The following EMC8 variants were observed in gnomAD, a reference collection of about 807,000 sequenced individuals.
EMC8 encodes the protein COX4 neighbor.
Under a neutral mutation model 24.3 loss-of-function variants are expected in EMC8, and 11 were observed. The observed-to-expected ratio is 0.45, with a 90% CI of 0.28 to 0.75. The LOEUF is 0.75. Ranked by LOEUF, EMC8 falls within the 30% of genes least tolerant of loss-of-function variation. EMC8 has a pLI of 0.12. For missense variants in EMC8, 277 were observed against 282.7 expected (o/e 0.98, Z 0.14); for synonymous variants, 145 against 117.7 (o/e 1.23, Z -1.50).
At chr16:85,794,510 G>T (rs565667153) in intron 1 of EMC8, among the ~76,000 whole-genome samples, 117 of 152,248 alleles carry the variant, frequency 7.7e-4, no homozygotes, top group African/African-American at 2.7e-3. Flanking sequence ...GTGACACGGT[G>T]AAACCTTGTC....
intron 1 of EMC8, among the ~76,000 whole-genome samples, chr16:85,794,782 T>C (rs556772037): frequency 2.6e-4 from 39 of 150,608 alleles, no homozygotes; most frequent in African/African-American, 9.1e-4. Flanking sequence ...AGTGTGGACC[T>C]TACTTGCTGG....
rs201116984 is a variant in EMC8, at chr16:85,780,419, C to T, written c.433G>A (p.Glu145Lys). The change falls in exon 4 of 5, where the codon GAG (glutamate) becomes AAG (lysine). Residue 145 changes from glutamate to lysine, a missense_variant. Coordinates refer to ENST00000253457, the MANE Select transcript of EMC8 (RefSeq NM_006067.5). ...DCVAPTIHVYEHHENRWRCRD... is the reference protein window; with the variant it reads ...DCVAPTIHVYKHHENRWRCRD... ...CACCGCCATCTGTTCTCATGGTGCT[C>T]GTACACGTGGATCGTAGGCGCTACG... is the stretch of plus-strand genomic sequence containing the variant. The T allele has an allele frequency of 1.3e-5, 21 of 1,614,214 alleles. No individual in the cohort carries two copies. In the East Asian group the frequency reaches 1.3e-4, roughly 10 times the overall value.
chr16:85,780,071 T>G, intron 4 of EMC8: 1 of 604,466 alleles, frequency 1.7e-6, no homozygotes, highest in Non-Finnish European at 2.9e-6. Flanking sequence ...GCCTTTCACG[T>G]GGAATTCTGA....
intron 1 of EMC8, among the ~76,000 whole-genome samples, chr16:85,793,474 T>C (rs11644720): frequency 0.056 from 8,517 of 151,548 alleles, 406 homozygotes; most frequent in East Asian, 0.27. Context: ...GGGACCGAGA[T>C]AGAGGGTGAA....
At chr16:85,781,603 GT>G (rs1164194909) in intron 2 of EMC8, 9 of 111,088 alleles carry the variant, frequency 8.1e-5, no homozygotes, top group South Asian at 6.1e-4. Context: ...ACTTTTTAGT[GT>G]TTTTTTTTGC....
chr16:85,790,919 T>C (rs905019480), intron 1 of EMC8, among the ~76,000 whole-genome samples: 2 of 152,146 alleles, frequency 1.3e-5, no homozygotes, highest in African/African-American at 4.8e-5. Context: ...CTTGAACTCC[T>C]GGGCTCAAGT....
chr16:85,790,584 G>C (rs9923691), intron 1 of EMC8, among the ~76,000 whole-genome samples: 126,404 of 152,166 alleles, frequency 0.83, 53,326 homozygotes, highest in African/African-American at 0.96. Flanking sequence ...TATCAAAGGG[G>C]CTTGCTCTAA....
intron 2 of EMC8, 23 bp downstream of exon 2, chr16:85,788,951 C>G: frequency 6.3e-7 from 1 of 1,581,684 alleles, no homozygotes; most frequent in Non-Finnish European, 8.7e-7. Flanking sequence ...TCCTCGCCCA[C>G]AGAGGGTTCT....
intron 2 of EMC8, chr16:85,787,724 C>T (rs370652486): frequency 6.6e-6 from 1 of 152,244 alleles, no homozygotes; most frequent in African/African-American, 2.4e-5. Flanking sequence ...CCACGCACTC[C>T]CAACCGCCTT....
At chr16:85,785,160 C>G (rs1040969290) in intron 2 of EMC8, 7 of 152,402 alleles carry the variant, frequency 4.6e-5, no homozygotes, top group African/African-American at 1.7e-4. Context: ...GTTGCCCAGA[C>G]TGGTCTTGAA....
At chr16:85,793,472 G>C (rs749811365) in intron 1 of EMC8, among the ~76,000 whole-genome samples, 2 of 152,204 alleles carry the variant, frequency 1.3e-5, no homozygotes, top group African/African-American at 2.4e-5. Flanking sequence ...ATGGGACCGA[G>C]ATAGAGGGTG....
chr16:85,795,835 C>T (rs779859022), intron 1 of EMC8, among the ~76,000 whole-genome samples: 26 of 152,310 alleles, frequency 1.7e-4, no homozygotes, highest in Admixed American at 5.2e-4. Context: ...CCTGGACTTG[C>T]TGCTGAGCCC....
intron 3 of EMC8, 142 bp from the exon 4 acceptor site, chr16:85,780,615 G>A (rs377397694): frequency 1.4e-5 from 9 of 641,282 alleles, no homozygotes; most frequent in East Asian, 8.2e-5. Flanking sequence ...ATGCAGAGTG[G>A]CGCGAGTGTC....
intron 2 of EMC8, among the ~76,000 whole-genome samples, chr16:85,787,317 C>G (rs933215018): frequency 3.3e-5 from 5 of 152,200 alleles, no homozygotes; most frequent in African/African-American, 1.2e-4. Flanking sequence ...GGACACCATG[C>G]CCTGGACTTC....
At chr16:85,794,037 T>C (rs990278605) in intron 1 of EMC8, among the ~76,000 whole-genome samples, 1 of 152,186 alleles carries the variant, frequency 6.6e-6, no homozygotes, top group Non-Finnish European at 1.5e-5. Flanking sequence ...CTTTCCCCTT[T>C]ATCAAAAACA....
intron 2 of EMC8, among the ~76,000 whole-genome samples, chr16:85,785,644 T>G (rs1331529662): frequency 6.6e-6 from 1 of 152,206 alleles, no homozygotes; most frequent in Non-Finnish European, 1.5e-5. Flanking sequence ...CTGCCAACTT[T>G]GCATTTCTCT....
At chr16:85,787,612 G>A (rs1597204058) in intron 2 of EMC8, 1 of 152,300 alleles carries the variant, frequency 6.6e-6, no homozygotes. Flanking sequence ...TCAAACAGAG[G>A]ACATCCCAGT....
intron 3 of EMC8, 97 bp from the exon 4 acceptor site, chr16:85,780,570 C>G (rs1307775097): frequency 2.5e-6 from 2 of 807,260 alleles, no homozygotes. Flanking sequence ...CGTGCCCACG[C>G]TGGCTGGGGC....
At position 85,779,147 on chromosome 16, in the gene EMC8, C is replaced by T. The variant is rs1904373438; in HGVS notation, c.*561G>A. The T allele has an allele frequency of 6.6e-6, 1 of 152,324 alleles. No individual in the cohort carries two copies. The highest frequency in any genetic ancestry group is 1.5e-5 in the Non-Finnish European group (1 of 68,166). 9.4% of individuals were successfully genotyped at this position (152,324 alleles called of 1,614,324 possible). A position where few individuals can be genotyped will look rare whatever the true frequency, so the allele number is the denominator to read the frequency against. On this transcript the variant is annotated 3_prime_UTR_variant, in exon 5 of 5. Coordinates refer to ENST00000253457, the MANE Select transcript of EMC8 (RefSeq NM_006067.5). ...GAGTTGCGGTGGCTCTGTGAGCCGA[C>T]ACCATGTGGAGCAGTGCTGTTCACA...
Sources: allele counts gnomAD v4.1 joint callset (sites outside exome capture counted in the v4.1 genomes callset), GRCh38; gene constraint gnomAD v4.1.1; transcripts MANE v1.5; gene names NCBI Gene and HGNC (gene_info 2026-07-23, HGNC 2026-07-21).